The following GPA33 variants were observed in gnomAD, a reference collection of about 807,000 sequenced individuals.
GPA33 encodes the protein glycoprotein A33, also known as cell surface A33 antigen.
In GPA33, 27 loss-of-function variants were observed where a neutral mutation model predicts 35.6. That is an observed-to-expected ratio of 0.76 (90% CI 0.56 to 1.04). GPA33 has a LOEUF of 1.04. Among genes scored for constraint, GPA33 ranks in the 50% least tolerant of loss-of-function variants. The pLI, the probability that GPA33 is intolerant of heterozygous loss-of-function variation, is 0.00. For missense variants in GPA33, 428 were observed against 411.9 expected (o/e 1.04, Z -0.34); for synonymous variants, 176 against 164.0 (o/e 1.07, Z -0.56).
chr1:167,054,836 AC>A, intron 6 of GPA33, 139 bp downstream of exon 6: 1 of 934,344 alleles, frequency 1.1e-6, no homozygotes, highest in Admixed American at 2.3e-5. Flanking sequence ...TATGGCTTGG[AC>A]AGGTCATTGT....
chr1:167,079,531 A>G (rs1442062693), intron 1 of GPA33, among the ~76,000 whole-genome samples: 1 of 152,106 alleles, frequency 6.6e-6, no homozygotes, highest in African/African-American at 2.4e-5. Flanking sequence ...ACAAATGTGG[A>G]AAATGTGGAG....
rs141668937 is a variant in GPA33, at chr1:167,063,696, T to A, written c.457A>T (p.Ile153Leu). The change falls in exon 4 of 7, where the codon ATA becomes TTA. Residue 153 changes from isoleucine to leucine, a missense_variant. Physicochemically the swap from Ile to Leu is conservative, Grantham distance 5 (BLOSUM62 2). Coordinates refer to ENST00000367868, the MANE Select transcript of GPA33 (RefSeq NM_005814.3). ...KPECGIEGET[I>L]IGNNIQLTCQ... ...GTCAGCTGGATGTTGTTCCCAATTA[T>A]GGTCTCTCCCTCGATGCCGCATTCT... 6.8e-6 allele frequency: 11 copies of A among 1,613,612 alleles called. No homozygotes were observed. Among genetic ancestry groups the A allele is most frequent in the Non-Finnish European group, 9.3e-6 (11 of 1,179,980 alleles).
chr1:167,061,587 T>G (rs957755350), intron 4 of GPA33, among the ~76,000 whole-genome samples: 5 of 27,526 alleles, frequency 1.8e-4, no homozygotes, highest in Admixed American at 5.2e-4. Context: ...CTACTAACTG[T>G]TTTTTTTTTT....
intron 4 of GPA33, among the ~76,000 whole-genome samples, chr1:167,062,862 G>T (rs1666490924): frequency 6.6e-6 from 1 of 151,946 alleles, no homozygotes; most frequent in African/African-American, 2.4e-5. Flanking sequence ...AGAGGGACCG[G>T]CCTGGATAAG....
chr1:167,083,444 T>A (rs1666991971), intron 1 of GPA33, among the ~76,000 whole-genome samples: 1 of 152,162 alleles, frequency 6.6e-6, no homozygotes, highest in Non-Finnish European at 1.5e-5. Context: ...CGGCACCCAT[T>A]CACTAACACC....
intron 1 of GPA33, among the ~76,000 whole-genome samples, chr1:167,086,084 C>G (rs936188203): frequency 6.6e-6 from 1 of 152,240 alleles, no homozygotes. Flanking sequence ...CATCTTTTCT[C>G]CATTGAGGCT....
intron 5 of GPA33, among the ~76,000 whole-genome samples, chr1:167,055,439 C>T (rs533861207): frequency 2.7e-3 from 412 of 152,202 alleles, no homozygotes; most frequent in African/African-American, 9.2e-3. Flanking sequence ...GCCCTGGGCA[C>T]TTCCTCCACG....
At chr1:167,059,947 A>C (rs1666398392) in intron 4 of GPA33, among the ~76,000 whole-genome samples, 1 of 152,222 alleles carries the variant, frequency 6.6e-6, no homozygotes, top group Non-Finnish European at 1.5e-5. Flanking sequence ...TTGTCTTCAG[A>C]TGTAGGAGAG....
chr1:167,054,910 G>A, intron 6 of GPA33, 66 bp downstream of exon 6: 1 of 1,567,538 alleles, frequency 6.4e-7, no homozygotes, highest in Non-Finnish European at 8.8e-7. Flanking sequence ...GAGGCTGTGA[G>A]GAATTGGGAA....
intron 4 of GPA33, among the ~76,000 whole-genome samples, chr1:167,060,515 G>T (rs757985671): frequency 1.3e-5 from 2 of 152,152 alleles, no homozygotes; most frequent in African/African-American, 4.8e-5. Context: ...TCACCTGCAG[G>T]TCCCCATTCT....
chr1:167,055,886 T>C, intron 4 of GPA33, 37 bp from the exon 5 acceptor site: 1 of 1,611,602 alleles, frequency 6.2e-7, no homozygotes, highest in Non-Finnish European at 8.5e-7. Context: ...AGAGAGGCAC[T>C]ACAGTGGAGT....
chr1:167,070,049 G>T (rs1666685881), intron 2 of GPA33, among the ~76,000 whole-genome samples: 1 of 152,158 alleles, frequency 6.6e-6, no homozygotes, highest in African/African-American at 2.4e-5. Flanking sequence ...TAAGTCAGGG[G>T]AGGCTTCCTA....
At chr1:167,056,846 T>C (rs1666309614) in intron 4 of GPA33, among the ~76,000 whole-genome samples, 1 of 75,052 alleles carries the variant, frequency 1.3e-5, no homozygotes, top group Non-Finnish European at 2.9e-5. Context: ...GGTGAGTGTG[T>C]AATGTGTGTG....
At chr1:167,060,320 G>A (rs528604343) in intron 4 of GPA33, among the ~76,000 whole-genome samples, 71 of 152,220 alleles carry the variant, frequency 4.7e-4, no homozygotes, top group African/African-American at 1.5e-3. Context: ...CGATCCACCC[G>A]CCTCAGCTTC....
Position 167,058,112 on chromosome 1 carries a change from T to A in GPA33, c.572-2263A>T, listed in dbSNP as rs995430309. Among the ~76,000 whole-genome samples, 8 of 152,256 alleles carry A rather than the reference T, an allele frequency of 5.3e-5. No homozygotes were observed. In the South Asian group the frequency reaches 1.5e-3, roughly 28 times the overall value. On this transcript the variant is annotated intron_variant, in intron 4 of 6. Coordinates refer to ENST00000367868, the MANE Select transcript of GPA33 (RefSeq NM_005814.3). Reference sequence around the variant, plus strand: ...TACTTGGGAGGCTGAGGCAAAAGAATCGCTTGAACCTGGGTGGTGGAGGTT... The same window carrying A: ...TACTTGGGAGGCTGAGGCAAAAGAAACGCTTGAACCTGGGTGGTGGAGGTT...
intron 1 of GPA33, among the ~76,000 whole-genome samples, chr1:167,081,193 G>A (rs1666937019): frequency 6.6e-6 from 1 of 152,238 alleles, no homozygotes; most frequent in Admixed American, 6.5e-5. Context: ...TGAAATGCTT[G>A]ATGGAACCGG....
At chr1:167,065,848 G>A (rs2102182079) in intron 3 of GPA33, among the ~76,000 whole-genome samples, 1 of 152,258 alleles carries the variant, frequency 6.6e-6, no homozygotes, top group South Asian at 2.1e-4. Context: ...TTCAAGGCCG[G>A]GCCTCATCTA....
At position 167,068,981 on chromosome 1, in the gene GPA33, A is replaced by G; in HGVS notation, c.356T>C (p.Val119Ala). The G allele has an allele frequency of 1.2e-6, 2 of 1,613,980 alleles. No homozygotes were observed. The highest frequency in any genetic ancestry group is 1.7e-6 in the Non-Finnish European group (2 of 1,180,026). The stretch of plus-strand genomic sequence containing the variant: ...GCCCTCCAGGTCTGACATCAGCGAG[A>G]CAGAACACTCGTAGGTGCCGTTGTC... ...MADNGTYECS[V>A]SLMSDLEGNT... is the part of the protein sequence containing the mutation. Residue 119 changes from valine (V) to alanine (A), a missense_variant, in exon 3 of 7, where the codon GTC (valine) becomes GCC (alanine). Coordinates refer to ENST00000367868, the MANE Select transcript of GPA33 (RefSeq NM_005814.3).
chr1:167,063,489 C>T, intron 4 of GPA33, 93 bp downstream of exon 4: 1 of 1,141,558 alleles, frequency 8.8e-7, no homozygotes, highest in South Asian at 1.5e-5. Flanking sequence ...TCAGGGGGAT[C>T]TGATCGGTCA....
Sources: allele counts gnomAD v4.1 joint callset (sites outside exome capture counted in the v4.1 genomes callset), GRCh38; gene constraint gnomAD v4.1.1; transcripts MANE v1.5; gene names NCBI Gene and HGNC (gene_info 2026-07-23, HGNC 2026-07-21).